MICU3: variants seen among roughly 807,000 people sequenced by gnomAD.
The protein encoded by MICU3 is mitochondrial calcium uptake 3, also known as calcium uptake protein 3, mitochondrial.
MICU3 carries 62 observed loss-of-function variants against 66.5 expected under a neutral mutation model. The observed-to-expected ratio is 0.93, with a 90% CI of 0.76 to 1.15. The LOEUF (loss-of-function observed/expected upper bound fraction) is 1.15. Among genes scored for constraint, MICU3 ranks in the 50% most tolerant of loss-of-function variants. The pLI is 0.00. For synonymous variants in MICU3, 308 were observed against 240.7 expected (o/e 1.28, Z -2.59); for missense variants, 779 against 664.4 (o/e 1.17, Z -1.90).
At position 17,121,520 on chromosome 8, in the gene MICU3, G is replaced by T. The variant is rs1029632691; in HGVS notation, c.*1233G>T. On this transcript the variant is annotated 3_prime_UTR_variant, in exon 15 of 15. Transcript: ENST00000318063. ...AATAGAACAATTAGTCTGAATTAAC[G>T]TATTTACATATTGCATATGGAAGAT... The T allele has an allele frequency of 6.6e-6, 1 of 151,994 alleles. No homozygotes were observed. The highest frequency in any genetic ancestry group is 1.5e-5 in the Non-Finnish European group (1 of 67,718). 9.4% of individuals were successfully genotyped at this position (151,994 alleles called of 1,614,324 possible).
At chr8:17,052,588 A>T (rs1281035610) in intron 1 of MICU3, among the ~76,000 whole-genome samples, 3 of 152,138 alleles carry the variant, frequency 2.0e-5, no homozygotes, top group Non-Finnish European at 4.4e-5. Flanking sequence ...CAGTTGCTTT[A>T]TCTAGCAACT....
intron 1 of MICU3, among the ~76,000 whole-genome samples, chr8:17,047,805 A>G (rs1815343211): frequency 6.6e-6 from 1 of 152,238 alleles, no homozygotes; most frequent in African/African-American, 2.4e-5. Flanking sequence ...TGAAAGAACC[A>G]CTGAAGAGTG....
chr8:17,039,600 T>C (rs1478357022), intron 1 of MICU3, among the ~76,000 whole-genome samples: 1 of 152,174 alleles, frequency 6.6e-6, no homozygotes, highest in Non-Finnish European at 1.5e-5. Flanking sequence ...TTCTCACATA[T>C]AATGCTATAT....
chr8:17,080,092 T>C (rs1432132717), intron 4 of MICU3, among the ~76,000 whole-genome samples: 2 of 152,026 alleles, frequency 1.3e-5, no homozygotes, highest in Non-Finnish European at 2.9e-5. Context: ...TTTTTTTTTG[T>C]ATTTTTTGAT....
intron 7 of MICU3, among the ~76,000 whole-genome samples, chr8:17,087,889 T>C (rs1035907631): frequency 6.6e-6 from 1 of 152,104 alleles, no homozygotes; most frequent in African/African-American, 2.4e-5. Context: ...GTGAATTTTG[T>C]TGGCATGTAA....
At chr8:17,067,790 C>T (rs187294163) in intron 2 of MICU3, among the ~76,000 whole-genome samples, 38 of 151,976 alleles carry the variant, frequency 2.5e-4, no homozygotes, top group African/African-American at 8.9e-4. Flanking sequence ...CCATTTTTTT[C>T]GCTGTTTAAA....
chr8:17,083,644 GAAATTA>G (rs992936736), intron 5 of MICU3, among the ~76,000 whole-genome samples: 17 of 152,072 alleles, frequency 1.1e-4, no homozygotes, highest in African/African-American at 4.1e-4. Flanking sequence ...GACTTTAAAT[GAAATTA>G]AAATGTTAGT....
intron 11 of MICU3, among the ~76,000 whole-genome samples, chr8:17,110,644 GC>G (rs1204183803): frequency 6.6e-6 from 1 of 151,926 alleles, no homozygotes; most frequent in East Asian, 1.9e-4. Context: ...GGTCACTGTA[GC>G]CCCGAACTCC....
intron 1 of MICU3, among the ~76,000 whole-genome samples, chr8:17,049,297 C>T (rs753596407): frequency 1.8e-4 from 27 of 152,090 alleles, no homozygotes; most frequent in Non-Finnish European, 3.7e-4. Flanking sequence ...AGTTTTATCT[C>T]CTTGGACATA....
Position 17,027,445 on chromosome 8 carries a change from G to T in MICU3, c.166G>T (p.Ala56Ser). The change falls in exon 1 of 15, where the codon GCG becomes TCG. Residue 56 changes from alanine to serine, a missense_variant. Ala to Ser is a moderately conservative substitution (Grantham distance 99). Transcript: ENST00000318063. ...GGATGAGGAGAGGGCTGTGGCGGAGGCGGCATGGAGGCGGCGGCGGCGCTG... is the reference window on the plus strand; with the variant it reads ...GGATGAGGAGAGGGCTGTGGCGGAGTCGGCATGGAGGCGGCGGCGGCGCTG... ...REDEERAVAE[A>S]AWRRRRRWGE... The T allele has an allele frequency of 7.7e-7, 1 of 1,305,650 alleles. No homozygotes were observed. 80.9% of individuals were successfully genotyped at this position (1,305,650 alleles called of 1,614,324 possible).
At chr8:17,112,825 T>C (rs947338702) in intron 11 of MICU3, among the ~76,000 whole-genome samples, 1 of 152,214 alleles carries the variant, frequency 6.6e-6, no homozygotes, top group African/African-American at 2.4e-5. Context: ...GGTCGCAGCA[T>C]AAACTGGTGC....
At chr8:17,111,397 C>A (rs1323600726) in intron 11 of MICU3, among the ~76,000 whole-genome samples, 1 of 152,066 alleles carries the variant, frequency 6.6e-6, no homozygotes, top group African/African-American at 2.4e-5. Context: ...ATCATACTCA[C>A]TGCGACCTCA....
At chr8:17,077,728 CT>C (rs1418718884) in intron 3 of MICU3, 54 bp from the exon 4 acceptor site, 2 of 1,217,260 alleles carry the variant, frequency 1.6e-6, no homozygotes, top group Non-Finnish European at 2.4e-6. Flanking sequence ...TGTTTTTGAT[CT>C]ATTTTATTAG....
At chr8:17,134,651 A>G in the MICU3 span, among the ~76,000 whole-genome samples, 14 of 152,186 alleles carry the variant, frequency 9.2e-5, no homozygotes, top group South Asian at 2.1e-4. Context: ...TCACCATGTT[A>G]GCCAGGATGG....
chr8:17,113,429 C>T (rs1446286039), intron 11 of MICU3, among the ~76,000 whole-genome samples: 3 of 152,228 alleles, frequency 2.0e-5, no homozygotes, highest in Non-Finnish European at 2.9e-5. Context: ...GCAATAATTG[C>T]AGTTTATACA....
intron 1 of MICU3, among the ~76,000 whole-genome samples, chr8:17,046,761 A>T (rs1815159525): frequency 6.6e-6 from 1 of 152,072 alleles, no homozygotes; most frequent in African/African-American, 2.4e-5. Flanking sequence ...AAAAAATCTT[A>T]TGTCTGGTAT....
chr8:17,134,902 G>C, the MICU3 span, among the ~76,000 whole-genome samples: 1 of 152,104 alleles, frequency 6.6e-6, no homozygotes, highest in African/African-American at 2.4e-5. Context: ...AAGTATCTGG[G>C]CACCAAATGG....
intron 7 of MICU3, among the ~76,000 whole-genome samples, chr8:17,090,160 T>A (rs1315337862): frequency 6.6e-6 from 1 of 152,022 alleles, no homozygotes; most frequent in East Asian, 1.9e-4. Flanking sequence ...CCAGCACAGG[T>A]CTCTCATACC....
At chr8:17,115,460 C>A (rs181220917) in intron 12 of MICU3, among the ~76,000 whole-genome samples, 5 of 152,178 alleles carry the variant, frequency 3.3e-5, no homozygotes, top group Admixed American at 3.3e-4. Flanking sequence ...TTACTGGGTT[C>A]AGAATAGAAA....
Sources: gnomAD v4.1 joint callset for allele counts (sites outside exome capture counted in the v4.1 genomes callset) on GRCh38, gnomAD v4.1.1 for gene constraint, MANE v1.5 for transcripts, NCBI Gene and HGNC (gene_info 2026-07-23, HGNC 2026-07-21) for gene names.